NHSL1: variants seen among roughly 807,000 people sequenced by gnomAD.
NHSL1 encodes the protein NHS-like protein 1.
Under a neutral mutation model 95.0 loss-of-function variants are expected in NHSL1, and 48 were observed. The observed-to-expected ratio is 0.51, with a 90% confidence interval of 0.40 to 0.64. The LOEUF (loss-of-function observed/expected upper bound fraction) is 0.64. Among genes scored for constraint, NHSL1 ranks in the 30% least tolerant of loss-of-function variants. The pLI is 0.00. For missense variants in NHSL1, 1,971 were observed against 2,077.7 expected, an observed-to-expected ratio of 0.95 and a Z score of 1.00; for synonymous variants, 783 against 833.9, an observed-to-expected ratio of 0.94 and a Z score of 1.05.
chr6:138,499,142 CA>C, intron 1 of NHSL1, 90 bp downstream of exon 1: 1 of 811,832 alleles, frequency 1.2e-6, no homozygotes, highest in African/African-American at 1.8e-5. Context: ...TGGACACACA[CA>C]CACACACACA....
Position 138,431,969 on chromosome 6 carries a change from A to T in NHSL1, c.2376T>A (p.Asp792Glu), listed in dbSNP as rs1305127171. The T allele has an allele frequency of 6.4e-7, 1 of 1,551,700 alleles. No individual in the cohort carries two copies. Among genetic ancestry groups the T allele is most frequent in the African/African-American group, 1.4e-5 (1 of 73,164 alleles). The change falls in exon 6 of 8, where the codon GAT (aspartate) becomes GAA (glutamate). Residue 792 changes from aspartate to glutamate, a missense_variant. Physicochemically the swap from Asp to Glu is conservative, Grantham distance 45. Coordinates refer to ENST00000343505, the MANE Select transcript of NHSL1 (RefSeq NM_001144060.2). This position sits in a 1 kb window ranked among gnomAD's most constrained non-coding sequence, Gnocchi z 4.0. ...YYIDYTGMQE[D>E]PGNPAGGCST... ...AACAGCCCCCTGCCGGGTTCCCCGG[A>T]TCTTCCTGCATGCCCGTGTAGTCAA...
chr6:138,440,388 C>T (rs1014265085), intron 5 of NHSL1, among the ~76,000 whole-genome samples: 1 of 152,140 alleles, frequency 6.6e-6, no homozygotes, highest in African/African-American at 2.4e-5. Context: ...CTGGAGACCT[C>T]AGGTAGCCAC....
upstream of NHSL1, among the ~76,000 whole-genome samples, chr6:138,546,857 G>A (rs1430001219): frequency 6.6e-6 from 1 of 152,168 alleles, no homozygotes; most frequent in Non-Finnish European, 1.5e-5. Context: ...AAACACAGGT[G>A]GAAAGTGGCA....
intron 1 of NHSL1, among the ~76,000 whole-genome samples, chr6:138,534,538 A>G (rs1782261084): frequency 6.6e-6 from 1 of 152,226 alleles, no homozygotes; most frequent in Non-Finnish European, 1.5e-5. Flanking sequence ...TCAGCACAAC[A>G]GATATATGCA....
At chr6:138,456,485 G>A (rs970068486) in intron 3 of NHSL1, among the ~76,000 whole-genome samples, 2 of 152,166 alleles carry the variant, frequency 1.3e-5, no homozygotes, top group Non-Finnish European at 2.9e-5. Context: ...GGGAAATTTC[G>A]ATTTCTGTCA....
intron 1 of NHSL1, among the ~76,000 whole-genome samples, chr6:138,638,782 A>G (rs2114678247): frequency 6.6e-6 from 1 of 152,286 alleles, no homozygotes; most frequent in Non-Finnish European, 1.5e-5. Context: ...CCCAGCCACT[A>G]TGGATCAAGC....
chr6:138,574,076 T>C (rs9495137), upstream of NHSL1, among the ~76,000 whole-genome samples: 48,389 of 151,900 alleles, frequency 0.32, 11,466 homozygotes, highest in African/African-American at 0.67. Context: ...CACAGGCGCC[T>C]GCCACCACGC....
In NHSL1 at chr6:138,645,924, T is replaced by C. The variant is rs546988211; in HGVS notation, c.96+46552A>G. 5.3e-5 allele frequency among the ~76,000 whole-genome samples: 8 copies of C among 152,320 alleles called. No individual in the cohort carries two copies. In the South Asian group the frequency reaches 1.7e-3, roughly 32 times the overall value. ...TGGCAGAAAATAAGTGCTCAATGTA[T>C]ACTGTTAAAAATGTTTTAAATGAAT... On this transcript the variant is annotated intron_variant, in intron 1 of 3. Transcript: ENST00000491526.
chr6:138,555,910 C>T (rs547539772), intron 1 of NHSL1, among the ~76,000 whole-genome samples: 1 of 152,166 alleles, frequency 6.6e-6, no homozygotes, highest in East Asian at 1.9e-4. Flanking sequence ...CTGTTGGGTA[C>T]AGGCCTTGAG....
intron 1 of NHSL1, among the ~76,000 whole-genome samples, chr6:138,612,327 T>G (rs62432529): frequency 0.041 from 6,295 of 152,064 alleles, 159 homozygotes; most frequent in Middle Eastern, 0.058. Context: ...CTGCGTAATT[T>G]TAATACCCAA....
intron 1 of NHSL1, among the ~76,000 whole-genome samples, chr6:138,647,473 C>T (rs563132366): frequency 2.6e-5 from 4 of 152,138 alleles, no homozygotes; most frequent in African/African-American, 9.6e-5. Context: ...ATTTAGAAGC[C>T]GGTGTGCTTG....
intron 4 of NHSL1, 27 bp downstream of exon 4, chr6:138,446,974 T>C (rs1032116194): frequency 9.7e-6 from 15 of 1,549,270 alleles, no homozygotes; most frequent in African/African-American, 5.5e-5. Flanking sequence ...AAGTACATTC[T>C]GAACCTGTCT....
At chr6:138,529,621 T>C (rs1399152383) in intron 1 of NHSL1, among the ~76,000 whole-genome samples, 2 of 152,216 alleles carry the variant, frequency 1.3e-5, no homozygotes, top group Non-Finnish European at 2.9e-5. Flanking sequence ...CTGAAGGCTG[T>C]GCAGAAGAAT....
chr6:138,628,079 G>A (rs537052245), intron 1 of NHSL1, among the ~76,000 whole-genome samples: 4 of 151,980 alleles, frequency 2.6e-5, no homozygotes, highest in South Asian at 4.2e-4. Flanking sequence ...TTGGGAGGCC[G>A]AGGTGGGTGG....
At chr6:138,577,345 C>A (rs982233019), upstream of NHSL1, among the ~76,000 whole-genome samples, 18 of 152,184 alleles carry the variant, frequency 1.2e-4, no homozygotes, top group African/African-American at 3.4e-4. Flanking sequence ...TCACAGGCCA[C>A]AAATGAGCAC....
chr6:138,437,289 C>A (rs1776173310), intron 5 of NHSL1, among the ~76,000 whole-genome samples: 1 of 137,976 alleles, frequency 7.2e-6, no homozygotes, highest in Non-Finnish European at 1.5e-5. Flanking sequence ...AAAAAAAATA[C>A]ACAAATGTAT....
chr6:138,522,463 G>C (rs1275354308), intron 1 of NHSL1, among the ~76,000 whole-genome samples: 1 of 152,184 alleles, frequency 6.6e-6, no homozygotes, highest in East Asian at 1.9e-4. Flanking sequence ...TCAACATGGT[G>C]AAACCCCATC....
intron 3 of NHSL1, among the ~76,000 whole-genome samples, chr6:138,447,516 G>A (rs1776941173): frequency 6.6e-6 from 1 of 152,192 alleles, no homozygotes; most frequent in South Asian, 2.1e-4. Context: ...GCTCATGCCT[G>A]TAATCCCAGC....
At chr6:138,573,321 G>C (rs958620596), upstream of NHSL1, among the ~76,000 whole-genome samples, 1 of 152,192 alleles carries the variant, frequency 6.6e-6, no homozygotes. Context: ...TTCCATCATA[G>C]AGACTTGGGT....
Sources: gnomAD v4.1 joint callset for allele counts (sites outside exome capture counted in the v4.1 genomes callset) on GRCh38, gnomAD v4.1.1 for gene constraint, Gnocchi (gnomAD v3.1) non-coding constraint, MANE v1.5 for transcripts, NCBI Gene and HGNC (gene_info 2026-07-23, HGNC 2026-07-21) for gene names.